EVI2B: variants seen among roughly 807,000 people sequenced by gnomAD.
The protein encoded by EVI2B is protein EVI2B.
EVI2B carries 4 observed loss-of-function variants against 6.6 expected under a neutral mutation model. That is an observed-to-expected ratio of 0.61 (90% confidence interval 0.30 to 1.39). EVI2B has a LOEUF of 1.39. EVI2B is among the 40% of genes most tolerant of loss of function. EVI2B has a pLI of 0.08. For synonymous variants in EVI2B, 181 were observed against 186.8 expected (o/e 0.97, Z 0.25); for missense variants, 484 against 516.6 (o/e 0.94, Z 0.61).
intron 1 of EVI2B, among the ~76,000 whole-genome samples, chr17:31,313,133 T>C (rs1291747854): frequency 6.6e-6 from 1 of 152,144 alleles, no homozygotes; most frequent in Non-Finnish European, 1.5e-5. Context: ...GCATGTATAA[T>C]AATAATAGTC....
chr17:31,304,492 A>G lies in EVI2B; in HGVS notation c.1118T>C (p.Leu373Pro). The change falls in exon 2 of 2, where the codon CTC (leucine) becomes CCC (proline). Residue 373 changes from leucine (L) to proline (P), a missense_variant. Coordinates refer to ENST00000330927, the MANE Select transcript of EVI2B (RefSeq NM_006495.4). ...ATTGAGACAGTCCAGAGATGGAGGGAGACTAGTAGAATCATTTGGAAGAGG... is the reference window on the plus strand; with the variant it reads ...ATTGAGACAGTCCAGAGATGGAGGGGGACTAGTAGAATCATTTGGAAGAGG... ...VSPLPNDSTS[L>P]PPSLDCLNQD... 1 of 1,614,134 alleles carries G rather than the reference A, an allele frequency of 6.2e-7. No homozygotes were observed. The highest frequency in any genetic ancestry group is 8.5e-7 in the Non-Finnish European group (1 of 1,180,020).
Position 31,307,308 on chromosome 17 carries a change from C to T in EVI2B, c.-21-1678G>A, listed in dbSNP as rs114093750. On this transcript the variant is annotated intron_variant, in intron 1 of 1. Coordinates refer to ENST00000330927, the MANE Select transcript of EVI2B (RefSeq NM_006495.4). ...TGCTGGGATTACAGGTGTGAGCCACCACGCCTGGCCCAATTACAATAATTT... is the reference window on the plus strand; with the variant it reads ...TGCTGGGATTACAGGTGTGAGCCACTACGCCTGGCCCAATTACAATAATTT... Among the ~76,000 whole-genome samples, 675 of 152,260 alleles carry T rather than the reference C, an allele frequency of 4.4e-3. 6 individuals carry two copies. The highest frequency in any genetic ancestry group is 0.015 in the African/African-American group (644 of 41,568).
rs2068666144 is a variant in EVI2B, at chr17:31,304,853, A to T, written c.757T>A (p.Cys253Ser). ...TCATTTTCTCTGATGTTATCCATACAAATGTCAGGGGTTTCTCCATCAGCA... is the reference window on the plus strand; with the variant it reads ...TCATTTTCTCTGATGTTATCCATACTAATGTCAGGGGTTTCTCCATCAGCA... The part of the protein sequence containing the change: ...PFADGETPDI[C>S]MDNIRENEIS... The change falls in exon 2 of 2, where the codon TGT becomes AGT. Residue 253 changes from cysteine (C) to serine (S), a missense_variant. Cys to Ser is a moderately radical substitution (Grantham distance 112, BLOSUM62 -1). Transcript: ENST00000330927. The T allele has an allele frequency of 6.2e-7, 1 of 1,613,998 alleles. No individual in the cohort carries two copies. The highest frequency in any genetic ancestry group is 1.3e-5 in the African/African-American group (1 of 74,918).
Position 31,304,842 on chromosome 17 carries a change from GT to G in EVI2B, c.767del (p.Asn256ThrfsTer28). ...TTGTGGATATTTCATTTTCTCTGAT[GT>G]TATCCATACAAATGTCAGGGGTTTC... is the stretch of plus-strand genomic sequence containing the variant. ...DGETPDICMD[N>X]IRENEISTKR... On this transcript the variant is annotated frameshift_variant, in exon 2 of 2. Coordinates refer to ENST00000330927, the MANE Select transcript of EVI2B (RefSeq NM_006495.4). LOFTEE classifies it high-confidence loss of function. 1 of 1,613,988 alleles carries G rather than the reference GT, an allele frequency of 6.2e-7. No individual in the cohort carries two copies. Among genetic ancestry groups the G allele is most frequent in the Non-Finnish European group, 8.5e-7 (1 of 1,179,996 alleles).
Position 31,304,550 on chromosome 17 carries a change from G to C in EVI2B, c.1060C>G (p.Gln354Glu). Residue 354 changes from glutamine to glutamate, a missense_variant, in exon 2 of 2, where the codon CAA becomes GAA. Coordinates refer to ENST00000330927, the MANE Select transcript of EVI2B (RefSeq NM_006495.4). ...LLDLEGQESN[Q>E]SDKPTMTIVS... is the part of the protein sequence containing the mutation. The stretch of plus-strand genomic sequence containing the variant: ...ATTGTCATTGTGGGTTTGTCAGATT[G>C]GTTACTTTCCTGTCCTTCCAAATCC... The C allele has an allele frequency of 6.2e-7, 1 of 1,614,126 alleles. No homozygotes were observed. Among genetic ancestry groups the C allele is most frequent in the South Asian group, 1.1e-5 (1 of 91,078 alleles).
intron 1 of EVI2B, among the ~76,000 whole-genome samples, chr17:31,310,879 A>T (rs1361059320): frequency 1.3e-5 from 2 of 151,980 alleles, no homozygotes; most frequent in African/African-American, 4.8e-5. Context: ...AGAAAAACAT[A>T]AATTTAAACA....
chr17:31,313,815 G>A (rs1203004192), intron 1 of EVI2B, among the ~76,000 whole-genome samples, 164 bp downstream of exon 1: 1 of 150,914 alleles, frequency 6.6e-6, no homozygotes, highest in Admixed American at 6.6e-5. Flanking sequence ...TTTTTCTAAG[G>A]CAAGCTGAAC....
At chr17:31,306,461 A>G (rs1468023604) in intron 1 of EVI2B, among the ~76,000 whole-genome samples, 1 of 152,166 alleles carries the variant, frequency 6.6e-6, no homozygotes, top group Non-Finnish European at 1.5e-5. Flanking sequence ...CAACATATTT[A>G]AAATGGAGTT....
Position 31,305,577 on chromosome 17 carries a change from A to C in EVI2B, c.33T>G (p.Phe11Leu), listed in dbSNP as rs2068697080. 2 of 1,613,390 alleles carry C rather than the reference A, an allele frequency of 1.2e-6. No homozygotes were observed. The highest frequency in any genetic ancestry group is 4.5e-5 in the East Asian group (2 of 44,876). The change falls in exon 2 of 2, where the codon TTT (phenylalanine) becomes TTG (leucine). Residue 11 changes from phenylalanine (F) to leucine (L), a missense_variant. Transcript: ENST00000330927. MDPKYFILIL[F>L]CGHLNNTFFS... ...AAAATGTATTGTTCAGGTGTCCACA[A>C]AACAAAATTAAGATGAAATATTTGG... is the stretch of plus-strand genomic sequence containing the variant.
intron 1 of EVI2B, among the ~76,000 whole-genome samples, chr17:31,313,207 A>T (rs17826544): frequency 6.6e-6 from 1 of 151,954 alleles, no homozygotes; most frequent in African/African-American, 2.4e-5. Context: ...TTACTATGCA[A>T]ACTAAAGGGG....
In EVI2B at chr17:31,304,256, G is replaced by A. The variant is rs2068645281; in HGVS notation, c.*7C>T. On this transcript the variant is annotated 3_prime_UTR_variant, in exon 2 of 2. Coordinates refer to ENST00000330927, the MANE Select transcript of EVI2B (RefSeq NM_006495.4). Reference sequence around the variant, plus strand: ...TGGAAGATCAGCTAAAAAGCAAGTTGTAATATTTATAACAGTTCTGCAGGT... The same window carrying A: ...TGGAAGATCAGCTAAAAAGCAAGTTATAATATTTATAACAGTTCTGCAGGT... 2 of 1,576,490 alleles carry A rather than the reference G, an allele frequency of 1.3e-6. No individual in the cohort carries two copies. Among genetic ancestry groups the A allele is most frequent in the East Asian group, 2.2e-5 (1 of 44,570 alleles).
intron 1 of EVI2B, among the ~76,000 whole-genome samples, chr17:31,309,598 T>C (rs2068815409): frequency 6.6e-6 from 1 of 152,188 alleles, no homozygotes; most frequent in Non-Finnish European, 1.5e-5. Context: ...CATCAGAAAA[T>C]ATAAGCCATG....
chr17:31,310,620 TC>T (rs2151516233), intron 1 of EVI2B, among the ~76,000 whole-genome samples: 1 of 152,248 alleles, frequency 6.6e-6, no homozygotes, highest in Non-Finnish European at 1.5e-5. Flanking sequence ...GCTGTGAGTA[TC>T]CTTACCATCC....
In EVI2B at chr17:31,304,623, A is replaced by G; in HGVS notation, c.987T>C (p.Ala329=). 6.2e-7 allele frequency: 1 copy of G among 1,614,208 alleles called. No homozygotes were observed. Among genetic ancestry groups the G allele is most frequent in the Non-Finnish European group, 8.5e-7 (1 of 1,180,028 alleles). ...DSADGSTVGT[A]VSSSDDADLP... ...GATCTGCATCATCTGAAGAAGAAAC[A>G]GCAGTTCCAACTGTTGAACCATCAG... is the stretch of plus-strand genomic sequence containing the variant. Residue 329 remains alanine (A), a synonymous_variant, in exon 2 of 2, where the codon GCT becomes GCC. Coordinates refer to ENST00000330927, the MANE Select transcript of EVI2B (RefSeq NM_006495.4).
In EVI2B at chr17:31,304,396, A is replaced by G. The variant is rs144527999; in HGVS notation, c.1214T>C (p.Leu405Pro). The G allele has an allele frequency of 1.7e-5, 28 of 1,614,050 alleles. 1 individual carries two copies. Among genetic ancestry groups the G allele is most frequent in the Non-Finnish European group, 2.2e-5 (26 of 1,180,016 alleles). Residue 405 changes from leucine (L) to proline (P), a missense_variant, in exon 2 of 2, where the codon CTG becomes CCG. Physicochemically the swap from Leu to Pro is moderately conservative, Grantham distance 98. Transcript: ENST00000330927. ...FPPLDSLNLP[L>P]PPVDFMKNQE... ...GTTTTTCATAAAATCTACTGGTGGC[A>G]GGGGCAAGTTAAGTGAGTCAAGCGG...
At chr17:31,306,026 T>G (rs2068711521) in intron 1 of EVI2B, among the ~76,000 whole-genome samples, 1 of 152,172 alleles carries the variant, frequency 6.6e-6, no homozygotes, top group Non-Finnish European at 1.5e-5. Context: ...CTACTAGAAA[T>G]ATATTGATTC....
At chr17:31,307,951 T>A in intron 1 of EVI2B, 1 of 1,282,786 alleles carries the variant, frequency 7.8e-7, no homozygotes, top group Non-Finnish European at 1.0e-6. Flanking sequence ...ACAGTGATGA[T>A]AAATGGCCCT....
At position 31,304,149 on chromosome 17, in the gene EVI2B, G is replaced by T; in HGVS notation, c.*114C>A. 9.2e-7 allele frequency: 1 copy of T among 1,089,878 alleles called. No individual in the cohort carries two copies. The highest frequency in any genetic ancestry group is 1.3e-6 in the Non-Finnish European group (1 of 765,422). 67.5% of individuals were successfully genotyped at this position (1,089,878 alleles called of 1,614,324 possible). A position where few individuals can be genotyped will look rare whatever the true frequency, so the allele number is the denominator to read the frequency against. On this transcript the variant is annotated 3_prime_UTR_variant, in exon 2 of 2. Coordinates refer to ENST00000330927, the MANE Select transcript of EVI2B (RefSeq NM_006495.4). Reference sequence around the variant, plus strand: ...ATAGGCTCTGAGCAGATTTCAGATAGTTCCTGAATAAAAATCAAAATTGAC... The same window carrying T: ...ATAGGCTCTGAGCAGATTTCAGATATTTCCTGAATAAAAATCAAAATTGAC...
intron 1 of EVI2B, among the ~76,000 whole-genome samples, chr17:31,311,011 ATC>A (rs2068860485): frequency 1.3e-5 from 2 of 150,128 alleles, no homozygotes; most frequent in South Asian, 4.2e-4. Flanking sequence ...CAGTGGTGCA[ATC>A]TCAGCTCACT....
Sources: gnomAD v4.1 joint callset for allele counts (sites outside exome capture counted in the v4.1 genomes callset) on GRCh38, gnomAD v4.1.1 for gene constraint, MANE v1.5 for transcripts, NCBI Gene and HGNC (gene_info 2026-07-23, HGNC 2026-07-21) for gene names.